Variants in MAB21L3 observed in about 807,000 individuals in gnomAD.
The protein encoded by MAB21L3 is mab-21 like 3, also known as protein mab-21-like 3.
A neutral mutation model predicts 37.7 loss-of-function variants in MAB21L3; 36 were observed. The observed-to-expected ratio is 0.96, with a 90% confidence interval of 0.73 to 1.26. The LOEUF is 1.26. MAB21L3 is among the 50% of genes most tolerant of loss of function. MAB21L3 has a pLI of 0.00. For missense variants in MAB21L3, 430 were observed against 447.3 expected (o/e 0.96, Z 0.35); for synonymous variants, 186 against 176.8 (o/e 1.05, Z -0.41).
Position 116,133,365 on chromosome 1 carries a change from A to T in MAB21L3, c.1089A>T (p.Ter363CysextTer74). Reference sequence around the variant, plus strand: ...AGAACCCCCAGATCGGCCCGCCCTGATGGTTGCCCCGGCCTGGGAGGCTCT... The same window carrying T: ...AGAACCCCCAGATCGGCCCGCCCTGTTGGTTGCCCCGGCCTGGGAGGCTCT... ...FLKNPQIGPP[*>C] is the part of the protein sequence containing the mutation. The change falls in exon 8 of 8, where the codon TGA becomes TGT. Residue 363 changes from the stop codon to cysteine, a stop_lost. Coordinates refer to ENST00000369500, the MANE Select transcript of MAB21L3 (RefSeq NM_152367.3). The T allele has an allele frequency of 6.2e-7, 1 of 1,613,460 alleles. No homozygotes were observed. Among genetic ancestry groups the T allele is most frequent in the Non-Finnish European group, 8.5e-7 (1 of 1,179,400 alleles).
At chr1:116,126,716 G>C (rs932337408) in intron 5 of MAB21L3, among the ~76,000 whole-genome samples, 4 of 152,204 alleles carry the variant, frequency 2.6e-5, no homozygotes, top group Non-Finnish European at 5.9e-5. Context: ...AGATATTTGG[G>C]TGGAATGGAG....
At chr1:116,127,720 A>G in intron 6 of MAB21L3, 76 bp downstream of exon 6, 1 of 1,431,976 alleles carries the variant, frequency 7.0e-7, no homozygotes, top group South Asian at 1.4e-5. Context: ...ACTGACTGCC[A>G]ATGAGTTTCC....
chr1:116,128,327 C>T lies in MAB21L3; in HGVS notation c.843C>T (p.Ser281=). The change falls in exon 7 of 8, where the codon TCC becomes TCT. Residue 281 remains serine, a synonymous_variant. Transcript: ENST00000369500. ...CAGGGAACAGGCCGGTTATCACGTCCCACCATCTGCAGGTGAGTGTGGGGC... is the reference window on the plus strand; with the variant it reads ...CAGGGAACAGGCCGGTTATCACGTCTCACCATCTGCAGGTGAGTGTGGGGC... ...WCPGNRPVIT[S]HHLQTVLFWT... 3.7e-6 allele frequency: 6 copies of T among 1,611,706 alleles called. No homozygotes were observed. Among genetic ancestry groups the T allele is most frequent in the Non-Finnish European group, 5.1e-6 (6 of 1,179,350 alleles).
rs1196539274 is a variant in MAB21L3 at position 116,137,629 on chromosome 1, A to G, written c.*4264A>G. Among the ~76,000 whole-genome samples the G allele has an allele frequency of 1.3e-5, 2 of 150,984 alleles. No homozygotes were observed. The highest frequency in any genetic ancestry group is 2.9e-5 in the Non-Finnish European group (2 of 67,884). Reference sequence around the variant, plus strand: ...ACCCAGCCATCCCATTACTGGGTATATACCCAAAGGACTATAAATCATGCT... The same window carrying G: ...ACCCAGCCATCCCATTACTGGGTATGTACCCAAAGGACTATAAATCATGCT... On this transcript the variant is annotated 3_prime_UTR_variant, in exon 8 of 8. Transcript: ENST00000369500.
chr1:116,114,016 C>T (rs529849007), intron 3 of MAB21L3, among the ~76,000 whole-genome samples: 2 of 152,320 alleles, frequency 1.3e-5, no homozygotes, highest in Admixed American at 6.5e-5. Context: ...TTTTCTGGCT[C>T]ATATTCATCC....
chr1:116,113,506 A>AT (rs979009904), intron 3 of MAB21L3, among the ~76,000 whole-genome samples: 3 of 152,072 alleles, frequency 2.0e-5, no homozygotes, highest in Non-Finnish European at 2.9e-5. Flanking sequence ...TGGGTCCTGT[A>AT]TTTTTTGTAA....
chr1:116,114,756 G>C (rs1220433859), intron 3 of MAB21L3, among the ~76,000 whole-genome samples: 2 of 152,228 alleles, frequency 1.3e-5, no homozygotes, highest in African/African-American at 4.8e-5. Flanking sequence ...AGTCAGGCAA[G>C]TGCTTAATAG....
intron 3 of MAB21L3, 40 bp downstream of exon 3, chr1:116,112,703 A>G: frequency 6.3e-7 from 1 of 1,599,904 alleles, no homozygotes; most frequent in South Asian, 1.1e-5. Flanking sequence ...CCCCCTCCCC[A>G]TTCACACTAC....
chr1:116,123,406 C>CA (rs952008810), intron 4 of MAB21L3, among the ~76,000 whole-genome samples: 17 of 144,718 alleles, frequency 1.2e-4, no homozygotes, highest in South Asian at 1.1e-3. Context: ...CAGTACAGGC[C>CA]AAAAAAAAAA....
At chr1:116,114,185 T>A (rs1659506279) in intron 3 of MAB21L3, among the ~76,000 whole-genome samples, 1 of 152,238 alleles carries the variant, frequency 6.6e-6, no homozygotes, top group Non-Finnish European at 1.5e-5. Flanking sequence ...TATTATCATC[T>A]TGGTTGGCAA....
At chr1:116,113,339 T>C (rs139322928) in intron 3 of MAB21L3, among the ~76,000 whole-genome samples, 1 of 152,318 alleles carries the variant, frequency 6.6e-6, no homozygotes, top group African/African-American at 2.4e-5. Flanking sequence ...ATCATTATCA[T>C]AGTGATAAGT....
chr1:116,115,248 C>T (rs866992103), intron 3 of MAB21L3, among the ~76,000 whole-genome samples: 1 of 152,328 alleles, frequency 6.6e-6, no homozygotes. Context: ...GGTAATGCTG[C>T]TGCTACAGCT....
Position 116,117,984 on chromosome 1 carries a change from CACTG to C in MAB21L3, c.49-2944_49-2941del, listed in dbSNP as rs1659640120. Among the ~76,000 whole-genome samples the C allele has an allele frequency of 2.0e-5, 3 of 152,212 alleles. No individual in the cohort carries two copies. In the South Asian group the frequency reaches 6.2e-4, roughly 32 times the overall value. Reference sequence around the variant, plus strand: ...TGCTCTCTGCTACCTCTTCTTTCACCACTGACTCTTTTCTCTCAGCATTTAAACA... The same window carrying C: ...TGCTCTCTGCTACCTCTTCTTTCACCACTCTTTTCTCTCAGCATTTAAACA... On this transcript the variant is annotated intron_variant, in intron 3 of 7. Coordinates refer to ENST00000369500, the MANE Select transcript of MAB21L3 (RefSeq NM_152367.3).
intron 7 of MAB21L3, among the ~76,000 whole-genome samples, chr1:116,131,268 T>C (rs1004675361): frequency 1.3e-5 from 2 of 152,142 alleles, no homozygotes; most frequent in African/African-American, 4.8e-5. Context: ...ACTAGGGAAA[T>C]TTGATCTGAT....
intron 2 of MAB21L3, 124 bp from the exon 3 acceptor site, chr1:116,112,283 T>C (rs923384549): frequency 4.3e-6 from 1 of 233,314 alleles, no homozygotes; most frequent in Non-Finnish European, 8.6e-6. Flanking sequence ...AAATACAATT[T>C]GGAAAATTGC....
intron 3 of MAB21L3, among the ~76,000 whole-genome samples, chr1:116,119,741 C>T (rs1659690639): frequency 6.6e-6 from 1 of 152,158 alleles, no homozygotes; most frequent in African/African-American, 2.4e-5. Flanking sequence ...CTTGCAGACC[C>T]TTCCGTATCT....
chr1:116,130,104 C>G (rs1660030902), intron 7 of MAB21L3, among the ~76,000 whole-genome samples: 1 of 152,228 alleles, frequency 6.6e-6, no homozygotes, highest in South Asian at 2.1e-4. Context: ...ATCAAAACCT[C>G]ATAACCTTAA....
chr1:116,122,498 C>T (rs1242158543), intron 4 of MAB21L3, among the ~76,000 whole-genome samples: 1 of 152,212 alleles, frequency 6.6e-6, no homozygotes, highest in Non-Finnish European at 1.5e-5. Flanking sequence ...AAAATAGCTA[C>T]AGCATAGCAT....
At chr1:116,131,791 G>A (rs970898540) in intron 7 of MAB21L3, among the ~76,000 whole-genome samples, 1 of 152,206 alleles carries the variant, frequency 6.6e-6, no homozygotes, top group Non-Finnish European at 1.5e-5. Context: ...AGTATGGATG[G>A]TGATAATTTG....
Sources: allele counts gnomAD v4.1 joint callset (sites outside exome capture counted in the v4.1 genomes callset), GRCh38; gene constraint gnomAD v4.1.1; transcripts MANE v1.5; gene names NCBI Gene and HGNC (gene_info 2026-07-23, HGNC 2026-07-21).